Variants in TMEM131L observed in about 807,000 individuals in gnomAD.
The protein encoded by TMEM131L is transmembrane protein 131-like.
A neutral mutation model predicts 192.2 loss-of-function variants in TMEM131L; 54 were observed. That is an observed-to-expected ratio of 0.28 (90% CI 0.23 to 0.35). TMEM131L has a LOEUF of 0.35. Among genes scored for constraint, TMEM131L ranks in the 10% least tolerant of loss-of-function variants. The pLI is 1.00. For synonymous variants in TMEM131L, 701 were observed against 704.9 expected, an observed-to-expected ratio of 0.99 and a Z score of 0.09; for missense variants, 1,888 against 1,972.9, an observed-to-expected ratio of 0.96 and a Z score of 0.82.
intron 4 of TMEM131L, among the ~76,000 whole-genome samples, chr4:153,552,362 A>T (rs1737689177): frequency 6.6e-6 from 1 of 152,200 alleles, no homozygotes; most frequent in Admixed American, 6.5e-5. Context: ...GCTGTCTAAA[A>T]TATTTACTCT....
chr4:153,632,647 G>A, intron 31 of TMEM131L, 71 bp from the exon 32 acceptor site: 1 of 1,581,602 alleles, frequency 6.3e-7, no homozygotes, highest in Non-Finnish European at 8.6e-7. Context: ...GGAGGGAAGG[G>A]CAGGTGCAGG....
chr4:153,627,510 A>T, intron 30 of TMEM131L, 95 bp from the exon 31 acceptor site: 3 of 891,372 alleles, frequency 3.4e-6, no homozygotes, highest in Non-Finnish European at 3.6e-6. Context: ...CAAGACTTCA[A>T]TTGAGTGAAA....
intron 3 of TMEM131L, among the ~76,000 whole-genome samples, chr4:153,502,770 T>G (rs1462969577): frequency 1.3e-5 from 2 of 152,204 alleles, no homozygotes; most frequent in Non-Finnish European, 2.9e-5. Context: ...CTTAGAGCAT[T>G]TGGTGTTTAT....
intron 2 of TMEM131L, among the ~76,000 whole-genome samples, chr4:153,473,215 C>T (rs191143089): frequency 1.5e-4 from 23 of 152,252 alleles, no homozygotes; most frequent in African/African-American, 5.5e-4. Flanking sequence ...GAAGTGATGA[C>T]ATTGAGTGCT....
intron 3 of TMEM131L, among the ~76,000 whole-genome samples, chr4:153,514,473 C>T (rs1734572212): frequency 6.6e-6 from 1 of 152,206 alleles, no homozygotes; most frequent in African/African-American, 2.4e-5. Flanking sequence ...GAAATAGCCA[C>T]TTCTATTATA....
chr4:153,474,158 G>A (rs78661636), intron 3 of TMEM131L, among the ~76,000 whole-genome samples: 5,480 of 152,222 alleles, frequency 0.036, 420 homozygotes, highest in East Asian at 0.23. Flanking sequence ...CCTCCCTCTT[G>A]TTTATAAACA....
At chr4:153,586,945 T>C (rs1332913279) in intron 14 of TMEM131L, among the ~76,000 whole-genome samples, 4 of 152,190 alleles carry the variant, frequency 2.6e-5, no homozygotes, top group Non-Finnish European at 5.9e-5. Flanking sequence ...TTGGTTATTA[T>C]TTTTGCTTCT....
At chr4:153,633,644 G>A (rs968059699) in intron 32 of TMEM131L, among the ~76,000 whole-genome samples, 6 of 152,156 alleles carry the variant, frequency 3.9e-5, no homozygotes, top group Non-Finnish European at 8.8e-5. Context: ...GGAGTCTTAA[G>A]AAAATGTTAG....
rs1728620643 is a variant in TMEM131L, at chr4:153,558,327, C to A, written c.619C>A (p.Leu207Met). Residue 207 changes from leucine to methionine, a missense_variant, in exon 7 of 35, where the codon CTG (leucine) becomes ATG (methionine). Leu to Met is a conservative substitution (Grantham distance 15). Transcript: ENST00000409959. ...SAKQLPNAYF[L>M]LPKVQSIQLS... Reference sequence around the variant, plus strand: ...AAAGCAGCTACCAAATGCTTATTTTCTGCTTCCAAAGGTCCAGAGCATTCA... The same window carrying A: ...AAAGCAGCTACCAAATGCTTATTTTATGCTTCCAAAGGTCCAGAGCATTCA... 4 of 1,609,532 alleles carry A rather than the reference C, an allele frequency of 2.5e-6. No individual in the cohort carries two copies. Among genetic ancestry groups the A allele is most frequent in the Non-Finnish European group, 3.4e-6 (4 of 1,176,546 alleles).
At chr4:153,523,386 G>A (rs1485694059) in intron 3 of TMEM131L, among the ~76,000 whole-genome samples, 2 of 152,186 alleles carry the variant, frequency 1.3e-5, no homozygotes, top group African/African-American at 4.8e-5. Context: ...GCTAGCAGAG[G>A]GGACTAGCTA....
At chr4:153,552,551 C>T (rs922778021) in intron 4 of TMEM131L, among the ~76,000 whole-genome samples, 3 of 152,184 alleles carry the variant, frequency 2.0e-5, no homozygotes, top group African/African-American at 4.8e-5. Flanking sequence ...TCTCTAGAGG[C>T]CGGGCACGGT....
chr4:153,545,218 G>A (rs906109969), intron 3 of TMEM131L, among the ~76,000 whole-genome samples: 11 of 151,636 alleles, frequency 7.3e-5, no homozygotes, highest in Non-Finnish European at 1.3e-4. Flanking sequence ...TGGCGTTCAC[G>A]TCACACTAGG....
intron 7 of TMEM131L, among the ~76,000 whole-genome samples, chr4:153,561,786 C>A (rs1189049550): frequency 6.6e-6 from 1 of 151,958 alleles, no homozygotes; most frequent in Non-Finnish European, 1.5e-5. Flanking sequence ...TCCCATTAGT[C>A]AAAAATAGTT....
intron 3 of TMEM131L, among the ~76,000 whole-genome samples, chr4:153,511,627 C>T (rs1734365164): frequency 6.6e-6 from 1 of 152,160 alleles, no homozygotes; most frequent in South Asian, 2.1e-4. Context: ...CTGAAAAGTT[C>T]TTCCTTTCCC....
chr4:153,621,517 G>T (rs1261583795), intron 27 of TMEM131L, among the ~76,000 whole-genome samples, 166 bp from the exon 28 acceptor site: 1 of 152,116 alleles, frequency 6.6e-6, no homozygotes, highest in Non-Finnish European at 1.5e-5. Flanking sequence ...TTTCTTATTG[G>T]TATCCCTTTC....
At chr4:153,601,966 G>C in intron 21 of TMEM131L, 186 bp from the exon 22 acceptor site, 1 of 447,156 alleles carries the variant, frequency 2.2e-6, no homozygotes, top group South Asian at 4.0e-5. Context: ...TTATATCCTA[G>C]AACAGAATCT....
At chr4:153,466,643 G>A in intron 1 of TMEM131L, 122 bp downstream of exon 1, 1 of 995,434 alleles carries the variant, frequency 1.0e-6, no homozygotes, top group Non-Finnish European at 1.3e-6. Flanking sequence ...GGAGGAGGAA[G>A]GAAAGCTGTT....
intron 3 of TMEM131L, among the ~76,000 whole-genome samples, chr4:153,513,834 A>T (rs1561147251): frequency 6.6e-6 from 1 of 152,220 alleles, no homozygotes; most frequent in Non-Finnish European, 1.5e-5. Flanking sequence ...TGTCATTATC[A>T]TGCTACAATT....
chr4:153,537,013 T>A (rs892017735), intron 3 of TMEM131L, among the ~76,000 whole-genome samples: 3 of 152,166 alleles, frequency 2.0e-5, no homozygotes, highest in African/African-American at 7.2e-5. Context: ...GATTAGATGG[T>A]GCCCACCCAG....
Sources: allele counts gnomAD v4.1 joint callset (sites outside exome capture counted in the v4.1 genomes callset), GRCh38; gene constraint gnomAD v4.1.1; transcripts MANE v1.5; gene names NCBI Gene and HGNC (gene_info 2026-07-23, HGNC 2026-07-21).